The following NXPE2 variants were observed in gnomAD, a reference collection of about 807,000 sequenced individuals.
The protein encoded by NXPE2 is neurexophilin and PC-esterase domain family member 2.
NXPE2 carries 34 observed loss-of-function variants against 34.4 expected under a neutral mutation model. The observed-to-expected ratio is 0.99, with a 90% CI of 0.75 to 1.31. The LOEUF is 1.31. Ranked by LOEUF, NXPE2 falls within the 40% of genes most tolerant of loss-of-function variation. NXPE2 has a pLI of 0.00. For missense variants in NXPE2, 649 were observed against 672.5 expected (o/e 0.97, Z 0.39); for synonymous variants, 235 against 231.3 (o/e 1.02, Z -0.15).
chr11:114,710,289 GA>G (rs536669336), downstream of NXPE2, among the ~76,000 whole-genome samples: 8 of 151,856 alleles, frequency 5.3e-5, no homozygotes, highest in Non-Finnish European at 1.2e-4. Flanking sequence ...ATAAACCATA[GA>G]AAAGATCAAA....
At chr11:114,712,006 G>C (rs1859622766), downstream of NXPE2, among the ~76,000 whole-genome samples, 1 of 152,108 alleles carries the variant, frequency 6.6e-6, no homozygotes, top group Non-Finnish European at 1.5e-5. Context: ...GGGAAAAAAA[G>C]AACAGTCCCT....
At chr11:114,810,610 G>C in the NXPE2 span, among the ~76,000 whole-genome samples, 1 of 151,858 alleles carries the variant, frequency 6.6e-6, no homozygotes, top group East Asian at 1.9e-4. Context: ...CTGGCCATCA[G>C]AGAAATGCAA....
At chr11:114,770,582 A>G in the NXPE2 span, among the ~76,000 whole-genome samples, 2 of 152,268 alleles carry the variant, frequency 1.3e-5, no homozygotes, top group Non-Finnish European at 2.9e-5. Flanking sequence ...AATGCTGTTT[A>G]TCACCAAATG....
the NXPE2 span, among the ~76,000 whole-genome samples, chr11:114,789,724 C>T: frequency 9.2e-5 from 14 of 152,292 alleles, no homozygotes; most frequent in South Asian, 1.5e-3. Flanking sequence ...CCTCTTGAGG[C>T]GGCCTTGGTA....
chr11:114,700,191 T>C (rs376885481), intron 3 of NXPE2, among the ~76,000 whole-genome samples: 4 of 152,282 alleles, frequency 2.6e-5, no homozygotes, highest in African/African-American at 9.6e-5. Context: ...GGACAAAAAG[T>C]AAATAAACAG....
the NXPE2 span, among the ~76,000 whole-genome samples, chr11:114,536,019 C>A: frequency 1.3e-5 from 2 of 152,214 alleles, no homozygotes. Flanking sequence ...CAAAATTGAC[C>A]ACATAGTTGG....
At chr11:114,695,026 T>G (rs1349876841) in intron 2 of NXPE2, among the ~76,000 whole-genome samples, 1 of 152,196 alleles carries the variant, frequency 6.6e-6, no homozygotes, top group Non-Finnish European at 1.5e-5. Flanking sequence ...CTGGATATGA[T>G]GTAGTTGGTA....
upstream of NXPE2, chr11:114,678,365 T>C: frequency 2.2e-6 from 1 of 451,592 alleles, no homozygotes; most frequent in Non-Finnish European, 4.0e-6. Context: ...CCTCATGGCT[T>C]TTTCCTTCTG....
chr11:114,645,378 T>C, the NXPE2 span, among the ~76,000 whole-genome samples: 2 of 151,986 alleles, frequency 1.3e-5, no homozygotes, highest in East Asian at 3.9e-4. Context: ...CTCTGCAAAT[T>C]CCAGGTAGAT....
chr11:114,730,221 C>G, the NXPE2 span, among the ~76,000 whole-genome samples: 2 of 151,768 alleles, frequency 1.3e-5, no homozygotes, highest in African/African-American at 4.8e-5. Flanking sequence ...TAGGAGTATG[C>G]CTTTATTTCT....
At chr11:114,631,855 T>C in the NXPE2 span, among the ~76,000 whole-genome samples, 1 of 151,206 alleles carries the variant, frequency 6.6e-6, no homozygotes, top group Non-Finnish European at 1.5e-5. Flanking sequence ...ATAATAAGTA[T>C]TGTGTCGTGG....
the NXPE2 span, among the ~76,000 whole-genome samples, chr11:114,647,999 C>T: frequency 7.9e-5 from 12 of 152,058 alleles, no homozygotes; most frequent in African/African-American, 2.4e-4. Context: ...TGTTGCCGGC[C>T]GACTTAACGT....
the NXPE2 span, among the ~76,000 whole-genome samples, chr11:114,592,497 G>A: frequency 1.3e-5 from 2 of 151,542 alleles, no homozygotes; most frequent in African/African-American, 4.8e-5. Context: ...ACAAAACATT[G>A]ATGCAAGAAA....
the NXPE2 span, among the ~76,000 whole-genome samples, chr11:114,725,026 G>C: frequency 6.6e-6 from 1 of 151,496 alleles, no homozygotes; most frequent in Non-Finnish European, 1.5e-5. Flanking sequence ...GAGCAGCAGC[G>C]TTTGTGTCCA....
the NXPE2 span, among the ~76,000 whole-genome samples, chr11:114,647,461 C>T: frequency 1.3e-5 from 2 of 152,094 alleles, no homozygotes; most frequent in Non-Finnish European, 2.9e-5. Flanking sequence ...TAAAGGGGGA[C>T]AAAGTCTTTA....
the NXPE2 span, among the ~76,000 whole-genome samples, chr11:114,532,338 C>T: frequency 6.6e-6 from 1 of 151,914 alleles, no homozygotes. Context: ...ATGAAATTCC[C>T]CCAAAAGAAC....
the NXPE2 span, among the ~76,000 whole-genome samples, chr11:114,670,763 T>C: frequency 6.6e-6 from 1 of 151,854 alleles, no homozygotes; most frequent in Non-Finnish European, 1.5e-5. Flanking sequence ...GAGATCAGTA[T>C]ATAAATTTGC....
the NXPE2 span, among the ~76,000 whole-genome samples, chr11:114,744,821 A>G: frequency 2.0e-5 from 3 of 152,138 alleles, no homozygotes; most frequent in Non-Finnish European, 2.9e-5. Context: ...AGAAAGAAAA[A>G]CAAATCTCAC....
chr11:114,472,886 G>T, the NXPE2 span, among the ~76,000 whole-genome samples: 3 of 152,190 alleles, frequency 2.0e-5, no homozygotes, highest in Non-Finnish European at 2.9e-5. Context: ...GGAAATGAAG[G>T]TGGGGGGGTT....
Sources: gnomAD v4.1 joint callset for allele counts (sites outside exome capture counted in the v4.1 genomes callset) on GRCh38, gnomAD v4.1.1 for gene constraint, MANE v1.5 for transcripts, NCBI Gene and HGNC (gene_info 2026-07-23, HGNC 2026-07-21) for gene names.